The following ANKFN1 variants were observed in gnomAD, a reference collection of about 807,000 sequenced individuals.
The protein encoded by ANKFN1 is ankyrin repeat and fibronectin type III domain containing 1.
ANKFN1 carries 74 observed loss-of-function variants against 108.7 expected under a neutral mutation model. The ratio of observed to expected loss-of-function variants is 0.68; its 90% CI spans 0.56 to 0.83. ANKFN1 has a LOEUF of 0.83. Ranked by LOEUF, ANKFN1 falls within the 40% of genes least tolerant of loss-of-function variation. The probability of loss-of-function intolerance (pLI) is 0.00; values close to 1 mark genes in which losing one functional copy is unlikely to be tolerated. For missense variants in ANKFN1, 1,505 were observed against 1,382.3 expected, an observed-to-expected ratio of 1.09 and a Z score of -1.41; for synonymous variants, 547 against 516.2, an observed-to-expected ratio of 1.06 and a Z score of -0.81.
At chr17:56,467,787 G>GAAA (rs1188059344) in intron 15 of ANKFN1, among the ~76,000 whole-genome samples, 2 of 75,518 alleles carry the variant, frequency 2.6e-5, no homozygotes, top group African/African-American at 1.4e-4. Context: ...AAGAAAGAAA[G>GAAA]AAAGAAGAAA....
Position 56,092,007 on chromosome 17 carries a change from C to T in ANKFN1, c.288+45682C>T, listed in dbSNP as rs373661137. Among the ~76,000 whole-genome samples, 7 of 151,252 alleles carry T rather than the reference C, an allele frequency of 4.6e-5. No homozygotes were observed. The East Asian group carries it at 7.7e-4, about 17-fold the overall frequency. ...TGGCATTTCCAAATTGCTGTTACCT[C>T]GAAAGCTTGCAACAAGATATGTAAA... On this transcript the variant is annotated intron_variant, in intron 4 of 12. Transcript: ENST00000635860.
At chr17:56,316,920 A>G (rs946186351) in intron 3 of ANKFN1, among the ~76,000 whole-genome samples, 3 of 152,238 alleles carry the variant, frequency 2.0e-5, no homozygotes, top group Non-Finnish European at 4.4e-5. Context: ...ATAGAATTCT[A>G]TTAATGAGTG....
chr17:56,216,783 G>C (rs573514317), intron 2 of ANKFN1, among the ~76,000 whole-genome samples: 1 of 152,114 alleles, frequency 6.6e-6, no homozygotes, highest in Non-Finnish European at 1.5e-5. Flanking sequence ...TAATGATGCC[G>C]CTCTTTAGGT....
At position 56,449,053 on chromosome 17, in the gene ANKFN1, C is replaced by G; in HGVS notation, c.1100-26C>G. ...AGGCCTCCCCTGTTTTAAAATTTCA[C>G]TATGTTTATTTCTTTTGTTCAATAG... On this transcript the variant is annotated intron_variant, in intron 10 of 20. Transcript: ENST00000682825. 3 of 1,600,582 alleles carry G rather than the reference C, an allele frequency of 1.9e-6. No individual in the cohort carries two copies. The South Asian group carries it at 3.3e-5, about 18-fold the overall frequency.
rs9890914 is a variant in ANKFN1, at chr17:56,469,050, C to T, written c.1773+2479C>T. Among the ~76,000 whole-genome samples, 311 of 152,212 alleles carry T rather than the reference C, an allele frequency of 2.0e-3. 1 individual carries two copies. The highest frequency in any genetic ancestry group is 7.1e-3 in the African/African-American group (296 of 41,516). On this transcript the variant is annotated intron_variant, in intron 15 of 20. Transcript: ENST00000682825. ...CAACATGATATAATACCTGGTTTCT[C>T]CTAGACTTATTACATTAAAAATGTG...
At chr17:56,190,028 G>GTTTGTAT (rs1567826817) in intron 1 of ANKFN1, among the ~76,000 whole-genome samples, 1 of 149,606 alleles carries the variant, frequency 6.7e-6, no homozygotes, top group Non-Finnish European at 1.5e-5. Flanking sequence ...TCTGATGGTA[G>GTTTGTAT]TTTGTATTTC....
intron 3 of ANKFN1, among the ~76,000 whole-genome samples, chr17:56,283,025 T>A (rs1356886491): frequency 6.6e-6 from 1 of 152,140 alleles, no homozygotes; most frequent in African/African-American, 2.4e-5. Context: ...GCTACATAGG[T>A]AAAGTGCATG....
At chr17:56,362,671 C>T (rs796270081) in intron 6 of ANKFN1, among the ~76,000 whole-genome samples, 36 of 152,228 alleles carry the variant, frequency 2.4e-4, no homozygotes, top group African/African-American at 6.7e-4. Context: ...AGGGGAGAAA[C>T]TACATGACAT....
intron 8 of ANKFN1, among the ~76,000 whole-genome samples, chr17:56,433,011 G>A (rs976725412): frequency 2.0e-5 from 3 of 151,990 alleles, no homozygotes; most frequent in African/African-American, 4.8e-5. Context: ...TAGATTATAT[G>A]TGCATATAAT....
At chr17:56,092,111 G>T (rs916790022) in intron 4 of ANKFN1, among the ~76,000 whole-genome samples, 2 of 151,302 alleles carry the variant, frequency 1.3e-5, no homozygotes, top group Non-Finnish European at 3.0e-5. Context: ...TTCTGCACAA[G>T]TGCCCCAGGG....
In ANKFN1 at chr17:56,261,361, C is replaced by T. The variant is rs2043506257; in HGVS notation, c.53+33404C>T. 2.6e-5 allele frequency among the ~76,000 whole-genome samples: 4 copies of T among 152,274 alleles called. No homozygotes were observed. The East Asian group carries it at 7.7e-4, about 29-fold the overall frequency. ...GTGTTAGTTCCCCTTTGCAGTTGAA[C>T]CTGGGTAGCTCTATAACTCCAGTGA... On this transcript the variant is annotated intron_variant, in intron 3 of 20. Transcript: ENST00000682825.
Position 56,334,865 on chromosome 17 carries a change from C to A in ANKFN1, c.188+8510C>A, listed in dbSNP as rs1021993091. Among the ~76,000 whole-genome samples, 5 of 152,224 alleles carry A rather than the reference C, an allele frequency of 3.3e-5. No homozygotes were observed. The South Asian group carries it at 1.0e-3, about 32-fold the overall frequency. On this transcript the variant is annotated intron_variant, in intron 4 of 20. Transcript: ENST00000682825. ...AGGGTTTTTATGGTTTTAGGTCTAA[C>A]ATTTAAGTCTTTAATCCATCTTGAA... is the stretch of plus-strand genomic sequence containing the variant.
intron 3 of ANKFN1, among the ~76,000 whole-genome samples, chr17:56,258,860 A>G (rs1441046361): frequency 4.6e-5 from 7 of 152,114 alleles, no homozygotes; most frequent in African/African-American, 1.7e-4. Flanking sequence ...GCAGTGAGCC[A>G]AGATCGGGCC....
chr17:56,448,734 T>C (rs956439198), intron 10 of ANKFN1, among the ~76,000 whole-genome samples: 2 of 152,104 alleles, frequency 1.3e-5, no homozygotes, highest in Non-Finnish European at 2.9e-5. Flanking sequence ...AGTGGAGAGA[T>C]GGCAGAGGAA....
chr17:56,417,683 T>C (rs1417746285), intron 8 of ANKFN1, among the ~76,000 whole-genome samples: 1 of 152,260 alleles, frequency 6.6e-6, no homozygotes, highest in Non-Finnish European at 1.5e-5. Flanking sequence ...TCAACTGGAT[T>C]CCAGCTTTCT....
intron 3 of ANKFN1, among the ~76,000 whole-genome samples, chr17:56,234,236 A>G (rs1916946162): frequency 6.6e-6 from 1 of 152,182 alleles, no homozygotes; most frequent in African/African-American, 2.4e-5. Flanking sequence ...TATGGTATTC[A>G]CACCATACGG....
chr17:56,273,685 A>G lies in ANKFN1; in HGVS notation c.53+45728A>G, dbSNP rs60635890. ...GATATAAAGAAAAAACTAAAAGTATAAAAATGTTTAAGTTCCTAAAACATA... is the reference window on the plus strand; with the variant it reads ...GATATAAAGAAAAAACTAAAAGTATGAAAATGTTTAAGTTCCTAAAACATA... On this transcript the variant is annotated intron_variant, in intron 3 of 20. Coordinates refer to ENST00000682825, the MANE Select transcript of ANKFN1 (RefSeq NM_001370326.1). Among the ~76,000 whole-genome samples the G allele has an allele frequency of 3.5e-3, 540 of 152,352 alleles. 2 individuals carry two copies. Among genetic ancestry groups the G allele is most frequent in the African/African-American group, 0.012 (507 of 41,594 alleles).
intron 3 of ANKFN1, among the ~76,000 whole-genome samples, chr17:56,302,817 C>G (rs1191237601): frequency 6.6e-6 from 1 of 152,106 alleles, no homozygotes; most frequent in Non-Finnish European, 1.5e-5. Flanking sequence ...TTTTAAAATT[C>G]TTCTTGAATA....
chr17:56,434,112 A>G (rs148414325), intron 8 of ANKFN1, among the ~76,000 whole-genome samples: 18 of 152,336 alleles, frequency 1.2e-4, no homozygotes, highest in Non-Finnish European at 2.4e-4. Context: ...GGTTCAGACT[A>G]TGGAGGAGAC....
Sources: allele counts gnomAD v4.1 joint callset (sites outside exome capture counted in the v4.1 genomes callset), GRCh38; gene constraint gnomAD v4.1.1; transcripts MANE v1.5; gene names NCBI Gene and HGNC (gene_info 2026-07-23, HGNC 2026-07-21).